Variants in DRC2 observed in about 807,000 individuals in gnomAD.
The protein encoded by DRC2 is dynein regulatory complex subunit 2.
chr12:48,918,376 A>C, the DRC2 span: 1 of 1,614,236 alleles, frequency 6.2e-7, no homozygotes, highest in East Asian at 2.2e-5. Context: ...CTGATGCCAC[A>C]GAGGATCGAA....
the DRC2 span, among the ~76,000 whole-genome samples, chr12:48,910,575 T>C: frequency 6.6e-6 from 1 of 152,198 alleles, no homozygotes; most frequent in Non-Finnish European, 1.5e-5. Flanking sequence ...TACACTCACA[T>C]TATTCAAAAT....
At chr12:48,907,120 C>T in the DRC2 span, among the ~76,000 whole-genome samples, 1 of 151,900 alleles carries the variant, frequency 6.6e-6, no homozygotes, top group South Asian at 2.1e-4. Flanking sequence ...GAGGCTGAGG[C>T]GGGAGAATGG....
the DRC2 span, among the ~76,000 whole-genome samples, chr12:48,911,831 C>T: frequency 6.6e-6 from 1 of 151,940 alleles, no homozygotes; most frequent in Non-Finnish European, 1.5e-5. Flanking sequence ...GAGATACTTC[C>T]CCTCATTTTC....
chr12:48,914,547 C>A, the DRC2 span: 1 of 1,614,030 alleles, frequency 6.2e-7, no homozygotes, highest in Non-Finnish European at 8.5e-7. Flanking sequence ...AGCTGGAAGC[C>A]CTAACCAAGG....
At chr12:48,904,924 G>T in the DRC2 span, 2 of 1,559,572 alleles carry the variant, frequency 1.3e-6, no homozygotes, top group East Asian at 2.3e-5. Flanking sequence ...CTTCCTGGAG[G>T]TATATTTATT....
At chr12:48,909,037 C>CTTTTTTTTT in the DRC2 span, among the ~76,000 whole-genome samples, 14 of 82,386 alleles carry the variant, frequency 1.7e-4, no homozygotes, top group East Asian at 3.8e-4. Flanking sequence ...TTTTCTTTCT[C>CTTTTTTTTT]TTTTTTTTTT....
At chr12:48,918,468 T>C in the DRC2 span, 850 of 1,613,714 alleles carry the variant, frequency 5.3e-4, no homozygotes, top group Non-Finnish European at 7.0e-4. Context: ...ATACAGAAAC[T>C]ACAGGTTAGT....
At chr12:48,918,825 A>G in the DRC2 span, 1 of 1,614,204 alleles carries the variant, frequency 6.2e-7, no homozygotes, top group Non-Finnish European at 8.5e-7. Context: ...AGGCCCGGGC[A>G]GCATCCCAGA....
chr12:48,908,601 A>T, the DRC2 span, among the ~76,000 whole-genome samples: 3 of 100,618 alleles, frequency 3.0e-5, no homozygotes, highest in East Asian at 2.8e-4. Context: ...TATTATTATT[A>T]TTATTATTTA....
the DRC2 span, chr12:48,904,805 A>G: frequency 4.4e-6 from 3 of 680,602 alleles, no homozygotes; most frequent in Non-Finnish European, 7.1e-6. Context: ...CCTGAAGGAA[A>G]TTCACCCTTG....
the DRC2 span, chr12:48,918,965 A>G: frequency 1.5e-6 from 2 of 1,371,150 alleles, no homozygotes; most frequent in East Asian, 4.6e-5. Context: ...GCAAAGTGAA[A>G]GGGATTTGGA....
chr12:48,918,670 A>T, the DRC2 span: 1 of 1,611,292 alleles, frequency 6.2e-7, no homozygotes. Flanking sequence ...CCCCTAATCT[A>T]CTCTGTTCCT....
the DRC2 span, chr12:48,914,559 G>GTT: frequency 6.2e-7 from 1 of 1,614,020 alleles, no homozygotes; most frequent in South Asian, 1.1e-5. Context: ...TAACCAAGGA[G>GTT]TTTGAGACAG....
At chr12:48,915,965 C>T in the DRC2 span, among the ~76,000 whole-genome samples, 27 of 137,016 alleles carry the variant, frequency 2.0e-4, no homozygotes, top group Non-Finnish European at 2.8e-4. Context: ...CCAGACAGGG[C>T]GGCGGGGCAG....
At chr12:48,917,151 T>C in the DRC2 span, 37 of 1,606,456 alleles carry the variant, frequency 2.3e-5, no homozygotes, top group Middle Eastern at 3.3e-4. Context: ...GAGGAGGTGA[T>C]AGAAAAATGC....
the DRC2 span, among the ~76,000 whole-genome samples, chr12:48,911,108 A>G: frequency 1.3e-5 from 2 of 152,138 alleles, no homozygotes; most frequent in African/African-American, 2.4e-5. Context: ...TCTCCTCTGT[A>G]TTTTTATTTT....
chr12:48,920,798 G>A, the DRC2 span: 6 of 705,926 alleles, frequency 8.5e-6, no homozygotes, highest in Middle Eastern at 4.1e-4. Flanking sequence ...ACCTCCATTT[G>A]CTATATGTAT....
chr12:48,905,132 G>C, the DRC2 span: 1 of 1,574,340 alleles, frequency 6.4e-7, no homozygotes, highest in African/African-American at 1.3e-5. Flanking sequence ...TCTTTCCAAG[G>C]AAACCTTGAG....
the DRC2 span, chr12:48,921,009 C>T: frequency 6.2e-7 from 1 of 1,613,758 alleles, no homozygotes; most frequent in Non-Finnish European, 8.5e-7. Flanking sequence ...TTTTATTCAT[C>T]AGTATTGACT....
Sources: allele counts gnomAD v4.1 joint callset (sites outside exome capture counted in the v4.1 genomes callset), GRCh38; gene constraint gnomAD v4.1.1; transcripts MANE v1.5; gene names NCBI Gene and HGNC (gene_info 2026-07-23, HGNC 2026-07-21).